The following NRBP2 variants were observed in gnomAD, a reference collection of about 807,000 sequenced individuals.
NRBP2 encodes nuclear receptor binding protein 2.
In NRBP2, 47 loss-of-function variants were observed where a neutral mutation model predicts 74.4. The observed-to-expected ratio is 0.63, with a 90% CI of 0.50 to 0.81. The LOEUF (loss-of-function observed/expected upper bound fraction) is 0.81. NRBP2 is among the 30% of genes least tolerant of loss of function. NRBP2 has a pLI of 0.00. For missense variants in NRBP2, 613 were observed against 690.1 expected (o/e 0.89, Z 1.25); for synonymous variants, 312 against 273.8 (o/e 1.14, Z -1.38).
Position 143,840,109 on chromosome 8 carries a change from C to G in NRBP2, c.250G>C (p.Glu84Gln). 1 of 1,536,130 alleles carries G rather than the reference C, an allele frequency of 6.5e-7. No homozygotes were observed. The change falls in exon 2 of 18, where the codon GAG (glutamate) becomes CAG (glutamine). Residue 84 changes from glutamate (E) to glutamine (Q), a missense_variant and splice_region_variant. Glu to Gln is a conservative substitution (Grantham distance 29). Transcript: ENST00000442628. The surrounding 1 kb of genome is among the most constrained non-coding windows in gnomAD (Gnocchi z 5.7). ...TGAGGAGGGGGCAGCGGTCTCACCT[C>G]GTGCGCCGCGAAGGCCTTCCTGTCT... The part of the protein sequence containing the change: ...FGDRKAFAAH[E>Q]EKIQTVFEQL...
intron 10 of NRBP2, chr8:143,838,058 T>C: frequency 1.6e-6 from 1 of 636,042 alleles, no homozygotes; most frequent in Non-Finnish European, 2.9e-6. Flanking sequence ...CATGGCCTTT[T>C]GATCGGCTCA....
chr8:143,836,058 TG>T, intron 15 of NRBP2, 28 bp from the exon 16 acceptor site: 1 of 1,566,958 alleles, frequency 6.4e-7, no homozygotes, highest in African/African-American at 1.4e-5. Flanking sequence ...CGTGGTCGGC[TG>T]GGGGTTCAGG....
Position 143,833,584 on chromosome 8 carries a change from T to C in NRBP2, c.*2078A>G, listed in dbSNP as rs1358353277. 2.0e-5 allele frequency: 3 copies of C among 152,134 alleles called. No homozygotes were observed. The highest frequency in any genetic ancestry group is 4.4e-5 in the Non-Finnish European group (3 of 68,022). 9.4% of individuals were successfully genotyped at this position (152,134 alleles called of 1,614,324 possible). A position where few individuals can be genotyped will look rare whatever the true frequency, so the allele number is the denominator to read the frequency against. ...GAAGAAACAGTTAAGAGAGTTGAAT[T>C]TGGAGAGGATCAGAGTAGGAGCCTG... On this transcript the variant is annotated 3_prime_UTR_variant, in exon 18 of 18. Coordinates refer to ENST00000442628, the MANE Select transcript of NRBP2 (RefSeq NM_178564.4).
At chr8:143,830,317 G>A (rs114325672), downstream of NRBP2, among the ~76,000 whole-genome samples, 426 of 152,398 alleles carry the variant, frequency 2.8e-3, 7 homozygotes, top group African/African-American at 9.6e-3. Context: ...TCTGAGGGTC[G>A]TGGGTGAAAG....
Position 143,836,016 on chromosome 8 carries a change from C to A in NRBP2, c.1332G>T (p.Leu444=), listed in dbSNP as rs782382732. Residue 444 remains leucine, a synonymous_variant, in exon 16 of 18, where the codon CTG becomes CTT. Coordinates refer to ENST00000442628, the MANE Select transcript of NRBP2 (RefSeq NM_178564.4). ...DKARWHLTLL[L]VLEDRLHRQL... The stretch of plus-strand genomic sequence containing the variant: ...GCCGGTGCAGCCGGTCTTCCAGCAC[C>A]AGAAGCAGAGTGAGCTGGGGAGGCG... The A allele has an allele frequency of 1.9e-6, 3 of 1,575,890 alleles. No homozygotes were observed. The highest frequency in any genetic ancestry group is 2.6e-6 in the Non-Finnish European group (3 of 1,160,864).
At chr8:143,838,981 G>C in intron 8 of NRBP2, 36 bp downstream of exon 8, 1 of 1,564,226 alleles carries the variant, frequency 6.4e-7, no homozygotes, top group Non-Finnish European at 8.7e-7. Context: ...AGAAGCGCAG[G>C]GTAGGCACGG....
chr8:143,836,392 G>A (rs545706801), intron 14 of NRBP2, among the ~76,000 whole-genome samples: 6 of 152,058 alleles, frequency 3.9e-5, no homozygotes, highest in Admixed American at 6.5e-5. Context: ...AGCTTTCACC[G>A]CGGAGAGAAC....
rs374217009 is a variant in NRBP2 at position 143,836,121 on chromosome 8, G to A, written c.1317+6C>T. On this transcript the variant is annotated splice_donor_region_variant and intron_variant, in intron 15 of 17. Coordinates refer to ENST00000442628, the MANE Select transcript of NRBP2 (RefSeq NM_178564.4). ...CGGCAGCGCCGCCCTCCCAGGCCCC[G>A]CTCACATGCCAGCGCGCCTTGTCCT... The A allele has an allele frequency of 3.0e-4, 473 of 1,601,250 alleles. No homozygotes were observed. The highest frequency in any genetic ancestry group is 5.7e-4 in the Admixed American group (33 of 57,800).
rs1818434415 is a variant in NRBP2, at chr8:143,837,054, G to A, written c.1248C>T (p.Asp416=). 2 of 1,611,206 alleles carry A rather than the reference G, an allele frequency of 1.2e-6. No individual in the cohort carries two copies. The highest frequency in any genetic ancestry group is 1.7e-6 in the Non-Finnish European group (2 of 1,179,102). Residue 416 remains aspartate (D), a synonymous_variant, in exon 14 of 18, where the codon GAC becomes GAT. Transcript: ENST00000442628. The surrounding 1 kb of genome is among the most constrained non-coding windows in gnomAD (Gnocchi z 4.3). ...GGGGACTCACCTTTCTGGTCTCAGA[G>A]TCAAAGGGCTCTGGCGTCGGGGTCT... ...KAKTPTPEPF[D]SETRKVIQMQ... is the part of the protein sequence containing the mutation.
Position 143,840,797 on chromosome 8 carries a change from TC to T in NRBP2, c.37del (p.Glu13AsnfsTer32). 1.3e-6 allele frequency: 2 copies of T among 1,499,496 alleles called. No individual in the cohort carries two copies. The highest frequency in any genetic ancestry group is 1.8e-6 in the Non-Finnish European group (2 of 1,130,250). 92.9% of individuals were successfully genotyped at this position (1,499,496 alleles called of 1,614,324 possible). A position where few individuals can be genotyped will look rare whatever the true frequency, so the allele number is the denominator to read the frequency against. On this transcript the variant is annotated frameshift_variant, in exon 1 of 18. Transcript: ENST00000442628. LOFTEE classifies it high-confidence loss of function. The surrounding 1 kb of genome is among the most constrained non-coding windows in gnomAD (Gnocchi z 5.7). Reference sequence around the variant, plus strand: ...CTCGTCCTCCCGCTCCCGCTCCCGTTCCCGGGCCCGCCTCGGCGCCGGCTCC... The same window carrying T: ...CTCGTCCTCCCGCTCCCGCTCCCGTTCCGGGCCCGCCTCGGCGCCGGCTCC... ...APEPAPRRAREREREREDESE... is the reference protein window; with the variant it reads ...APEPAPRRARXREREREDESE...
rs1465310783 is a variant in NRBP2, at chr8:143,837,871, A to T, written c.841-116T>A. ...GTCCCTCCTCAGGGACACACAGGACATGCAGGGATGCCCATAGGGAGGAGT... is the reference window on the plus strand; with the variant it reads ...GTCCCTCCTCAGGGACACACAGGACTTGCAGGGATGCCCATAGGGAGGAGT... On this transcript the variant is annotated intron_variant, in intron 10 of 17. Coordinates refer to ENST00000442628, the MANE Select transcript of NRBP2 (RefSeq NM_178564.4). This position sits in a 1 kb window ranked among gnomAD's most constrained non-coding sequence, Gnocchi z 4.3. 1 of 1,291,506 alleles carries T rather than the reference A, an allele frequency of 7.7e-7. No individual in the cohort carries two copies. Among genetic ancestry groups the T allele is most frequent in the African/African-American group, 1.5e-5 (1 of 68,214 alleles). The allele number at this position is 1,291,506 out of a possible 1,614,324, so 80.0% of individuals were successfully genotyped here. A position where few individuals can be genotyped will look rare whatever the true frequency, so the allele number is the denominator to read the frequency against.
In NRBP2 at chr8:143,840,625, GC is replaced by G; in HGVS notation, c.129+80del. 1 of 1,268,382 alleles carries G rather than the reference GC, an allele frequency of 7.9e-7. No individual in the cohort carries two copies. 78.6% of individuals were successfully genotyped at this position (1,268,382 alleles called of 1,614,324 possible). A position where few individuals can be genotyped will look rare whatever the true frequency, so the allele number is the denominator to read the frequency against. ...TTTCCAGCCGCCGCGCTCTCCCAGCGCCCCCACGCCCCGCGCAGCCTCCAGG... is the reference window on the plus strand; with the variant it reads ...TTTCCAGCCGCCGCGCTCTCCCAGCGCCCCACGCCCCGCGCAGCCTCCAGG... On this transcript the variant is annotated intron_variant, in intron 1 of 17. Transcript: ENST00000442628. This position sits in a 1 kb window ranked among gnomAD's most constrained non-coding sequence, Gnocchi z 5.7.
chr8:143,837,607 C>T lies in NRBP2; in HGVS notation c.973+16G>A. ...TCCACCTCCCCAGCCACCCCCCGGG[C>T]CGGCCTGCTGCTCACACTGGTGCTG... On this transcript the variant is annotated intron_variant, in intron 11 of 17. Coordinates refer to ENST00000442628, the MANE Select transcript of NRBP2 (RefSeq NM_178564.4). The surrounding 1 kb of genome is among the most constrained non-coding windows in gnomAD (Gnocchi z 4.3). 6.3e-7 allele frequency: 1 copy of T among 1,598,408 alleles called. No individual in the cohort carries two copies. The highest frequency in any genetic ancestry group is 8.5e-7 in the Non-Finnish European group (1 of 1,173,120).
rs1818316954 is a variant in NRBP2 at position 143,835,454 on chromosome 8, C to T, written c.*208G>A. 3 of 652,468 alleles carry T rather than the reference C, an allele frequency of 4.6e-6. No homozygotes were observed. The highest frequency in any genetic ancestry group is 2.7e-6 in the Non-Finnish European group (1 of 365,674). 40.4% of individuals were successfully genotyped at this position (652,468 alleles called of 1,614,324 possible). On this transcript the variant is annotated 3_prime_UTR_variant, in exon 18 of 18. Transcript: ENST00000442628. This position sits in a 1 kb window ranked among gnomAD's most constrained non-coding sequence, Gnocchi z 4.9. ...ACCCTGATCCTAAGGACCTGGGAGG[C>T]CTAACGGCTCCCCCACACCCACCCC... is the stretch of plus-strand genomic sequence containing the variant.
chr8:143,839,285 T>TACCC lies in NRBP2; in HGVS notation c.580+28_580+29insGGGT. 1 of 1,537,348 alleles carries TACCC rather than the reference T, an allele frequency of 6.5e-7. No homozygotes were observed. The highest frequency in any genetic ancestry group is 8.7e-7 in the Non-Finnish European group (1 of 1,147,678). On this transcript the variant is annotated intron_variant, in intron 6 of 17. Transcript: ENST00000442628. The surrounding 1 kb of genome is among the most constrained non-coding windows in gnomAD (Gnocchi z 5.1). ...CTCCAGGCACCTTCCCCTGCCCCGT[T>TACCC]CCCCCACCCAGCCCTGCCCCGCCAG...
In NRBP2 at chr8:143,838,863, G is replaced by A. The variant is rs372359666; in HGVS notation, c.744+20C>T. ...AGTTAGGAGGAGGGCAGAGCACAAG[G>A]TGGAGGGCGGGGGCAGTACCTCCAG... On this transcript the variant is annotated intron_variant, in intron 9 of 17. Transcript: ENST00000442628. 19 of 1,613,234 alleles carry A rather than the reference G, an allele frequency of 1.2e-5. No homozygotes were observed. In the African/African-American group the frequency reaches 1.9e-4, roughly 16 times the overall value.
In NRBP2 at chr8:143,835,764, G is replaced by A. The variant is rs781926583; in HGVS notation, c.1438-34C>T. 25 of 1,596,722 alleles carry A rather than the reference G, an allele frequency of 1.6e-5. 1 individual carries two copies. The Admixed American group carries it at 4.3e-4, about 27-fold the overall frequency. ...GGAGGGAGGCATGGGGGACGGAGGG[G>A]CGCGGCCTGCCCCGTGCGCCCCCTC... On this transcript the variant is annotated intron_variant, in intron 17 of 17. Coordinates refer to ENST00000442628, the MANE Select transcript of NRBP2 (RefSeq NM_178564.4). This position sits in a 1 kb window ranked among gnomAD's most constrained non-coding sequence, Gnocchi z 4.9.
rs781829517 is a variant in NRBP2, at chr8:143,838,872, G to A, written c.744+11C>T. The A allele has an allele frequency of 1.1e-5, 17 of 1,612,968 alleles. No individual in the cohort carries two copies. The highest frequency in any genetic ancestry group is 2.2e-5 in the East Asian group (1 of 44,856). On this transcript the variant is annotated intron_variant, in intron 9 of 17. Transcript: ENST00000442628. ...GAGGGCAGAGCACAAGGTGGAGGGCGGGGGCAGTACCTCCAGCGCACACAT... is the reference window on the plus strand; with the variant it reads ...GAGGGCAGAGCACAAGGTGGAGGGCAGGGGCAGTACCTCCAGCGCACACAT...
At position 143,840,548 on chromosome 8, in the gene NRBP2, C is replaced by T. The variant is rs1818648567; in HGVS notation, c.129+158G>A. On this transcript the variant is annotated intron_variant, in intron 1 of 17. Transcript: ENST00000442628. This position sits in a 1 kb window ranked among gnomAD's most constrained non-coding sequence, Gnocchi z 5.7. ...GGGAGTCCCAGGGCGAGCGCCAGGCCAAAGGGGTCCAGGGGTGGCTGATTC... is the reference window on the plus strand; with the variant it reads ...GGGAGTCCCAGGGCGAGCGCCAGGCTAAAGGGGTCCAGGGGTGGCTGATTC... 1 of 785,864 alleles carries T rather than the reference C, an allele frequency of 1.3e-6. No individual in the cohort carries two copies. The allele number at this position is 785,864 out of a possible 1,614,324, so 48.7% of individuals were successfully genotyped here.
Sources: allele counts gnomAD v4.1 joint callset (sites outside exome capture counted in the v4.1 genomes callset), GRCh38; gene constraint gnomAD v4.1.1; non-coding constraint Gnocchi (gnomAD v3.1); transcripts MANE v1.5; gene names NCBI Gene and HGNC (gene_info 2026-07-23, HGNC 2026-07-21).